PANX1: variants seen among roughly 807,000 people sequenced by gnomAD.
PANX1 encodes the protein pannexin-1.
In PANX1, 30 loss-of-function variants were observed where a neutral mutation model predicts 38.7. That is an observed-to-expected ratio of 0.78 (90% CI 0.58 to 1.05). The LOEUF (loss-of-function observed/expected upper bound fraction) is 1.05. PANX1 is among the 50% of genes least tolerant of loss of function. PANX1 has a pLI of 0.00. For missense variants in PANX1, 551 were observed against 517.2 expected (o/e 1.07, Z -0.63); for synonymous variants, 230 against 212.2 (o/e 1.08, Z -0.73).
chr11:94,149,296 T>C (rs1946859417), intron 1 of PANX1, among the ~76,000 whole-genome samples: 1 of 152,164 alleles, frequency 6.6e-6, no homozygotes, highest in Non-Finnish European at 1.5e-5. Flanking sequence ...CTTTAGGCTA[T>C]GTTACTTTCT....
intron 2 of PANX1, among the ~76,000 whole-genome samples, chr11:94,163,209 T>C (rs1565381295): frequency 6.6e-6 from 1 of 152,218 alleles, no homozygotes; most frequent in Non-Finnish European, 1.5e-5. Context: ...TTTGTACATA[T>C]TTGTGGACTA....
chr11:94,179,971 T>G lies in PANX1; in HGVS notation c.915T>G (p.Val305=). ...TTCCATTCCGACAGAAGACAGATGT[T>G]CTCAAAGTGTACGAAATCCTCCCCA... ...LFVPFRQKTD[V]LKVYEILPTF... The change falls in exon 4 of 5, where the codon GTT becomes GTG. Residue 305 remains valine, a synonymous_variant. Transcript: ENST00000227638. The G allele has an allele frequency of 6.3e-7, 1 of 1,597,340 alleles. No homozygotes were observed. The highest frequency in any genetic ancestry group is 8.6e-7 in the Non-Finnish European group (1 of 1,169,182).
intron 2 of PANX1, among the ~76,000 whole-genome samples, chr11:94,170,095 G>T (rs989258112): frequency 4.5e-4 from 68 of 151,486 alleles, no homozygotes. Flanking sequence ...CTCTTTGTAG[G>T]TATATAGCCC....
Position 94,178,349 on chromosome 11 carries a change from T to G in PANX1, c.322-20T>G. ...CATGGGGGGTTTGTTAAGCCCATGATTTGTTCTCTTGTTTTTCAGTTTTTC... is the reference window on the plus strand; with the variant it reads ...CATGGGGGGTTTGTTAAGCCCATGAGTTGTTCTCTTGTTTTTCAGTTTTTC... On this transcript the variant is annotated intron_variant, in intron 2 of 4. Coordinates refer to ENST00000227638, the MANE Select transcript of PANX1 (RefSeq NM_015368.4). The G allele has an allele frequency of 1.3e-6, 2 of 1,586,602 alleles. No individual in the cohort carries two copies. The highest frequency in any genetic ancestry group is 1.7e-6 in the Non-Finnish European group (2 of 1,155,240).
intron 2 of PANX1, among the ~76,000 whole-genome samples, chr11:94,158,911 G>T (rs561203978): frequency 6.6e-6 from 1 of 152,276 alleles, no homozygotes; most frequent in East Asian, 1.9e-4. Flanking sequence ...TTATTATTTT[G>T]AGATACGTGC....
At chr11:94,165,122 C>T (rs1947088521) in intron 2 of PANX1, among the ~76,000 whole-genome samples, 1 of 151,920 alleles carries the variant, frequency 6.6e-6, no homozygotes, top group African/African-American at 2.4e-5. Context: ...GTTTTTTATC[C>T]AGTGAGCCAT....
intron 2 of PANX1, among the ~76,000 whole-genome samples, chr11:94,172,875 T>G (rs1947184401): frequency 2.0e-5 from 3 of 151,708 alleles, no homozygotes. Flanking sequence ...TGTGAACAGA[T>G]ACTTTGCTCG....
chr11:94,149,599 T>G (rs1003113475), intron 1 of PANX1, among the ~76,000 whole-genome samples: 1 of 152,246 alleles, frequency 6.6e-6, no homozygotes, highest in African/African-American at 2.4e-5. Flanking sequence ...GGAAGTAGTA[T>G]TCTTTGTTGT....
intron 2 of PANX1, among the ~76,000 whole-genome samples, chr11:94,156,705 T>A (rs1023492532): frequency 1.3e-4 from 19 of 151,012 alleles, no homozygotes; most frequent in Admixed American, 7.9e-4. Flanking sequence ...TTAAAAAAAA[T>A]TATTTTTCTC....
At chr11:94,166,596 C>T (rs1474526347) in intron 2 of PANX1, among the ~76,000 whole-genome samples, 1 of 152,128 alleles carries the variant, frequency 6.6e-6, no homozygotes, top group Admixed American at 6.5e-5. Context: ...TTTCTTTGTC[C>T]TTCACCTTTG....
chr11:94,139,121 G>C (rs1946732897), intron 1 of PANX1, among the ~76,000 whole-genome samples: 1 of 151,968 alleles, frequency 6.6e-6, no homozygotes. Flanking sequence ...CCTATTTTTG[G>C]GCTGTTTATA....
At chr11:94,150,435 T>C (rs1946870654) in intron 1 of PANX1, among the ~76,000 whole-genome samples, 1 of 152,204 alleles carries the variant, frequency 6.6e-6, no homozygotes, top group Non-Finnish European at 1.5e-5. Flanking sequence ...CACGAAGATC[T>C]AACGTGTTTA....
chr11:94,159,482 G>A (rs1946994620), intron 2 of PANX1, among the ~76,000 whole-genome samples: 1 of 152,172 alleles, frequency 6.6e-6, no homozygotes, highest in African/African-American at 2.4e-5. Flanking sequence ...TTAGTCTTGG[G>A]AGGGTGTATG....
chr11:94,151,526 C>G (rs1279093691), intron 1 of PANX1, among the ~76,000 whole-genome samples: 1 of 152,188 alleles, frequency 6.6e-6, no homozygotes, highest in African/African-American at 2.4e-5. Flanking sequence ...TTATCAGCAT[C>G]CTTGCCAGAA....
intron 1 of PANX1, among the ~76,000 whole-genome samples, chr11:94,147,269 C>G (rs1946837694): frequency 6.6e-6 from 1 of 152,158 alleles, no homozygotes; most frequent in Non-Finnish European, 1.5e-5. Flanking sequence ...TATTTATCAT[C>G]TGTAATCTGA....
intron 1 of PANX1, among the ~76,000 whole-genome samples, chr11:94,153,290 A>G (rs1176740237): frequency 1.3e-5 from 2 of 152,150 alleles, no homozygotes; most frequent in South Asian, 2.1e-4. Context: ...CCAAGCTGCT[A>G]TCATGACCAG....
At chr11:94,173,413 G>A (rs377268454) in intron 2 of PANX1, among the ~76,000 whole-genome samples, 2 of 151,524 alleles carry the variant, frequency 1.3e-5, no homozygotes, top group South Asian at 2.1e-4. Flanking sequence ...ATCTACTACA[G>A]ACCAGGGCGT....
At chr11:94,130,491 G>A (rs1310766193) in intron 1 of PANX1, among the ~76,000 whole-genome samples, 1 of 152,228 alleles carries the variant, frequency 6.6e-6, no homozygotes, top group Non-Finnish European at 1.5e-5. Flanking sequence ...GAACAGAAGA[G>A]TGTAGGCTGA....
chr11:94,131,336 T>G (rs1946627254), intron 1 of PANX1, among the ~76,000 whole-genome samples: 1 of 152,190 alleles, frequency 6.6e-6, no homozygotes, highest in Non-Finnish European at 1.5e-5. Context: ...GAGGTATTTT[T>G]GGGGTATTGG....
Sources: allele counts gnomAD v4.1 joint callset (sites outside exome capture counted in the v4.1 genomes callset), GRCh38; gene constraint gnomAD v4.1.1; transcripts MANE v1.5; gene names NCBI Gene and HGNC (gene_info 2026-07-23, HGNC 2026-07-21).